The following AVEN variants were observed in gnomAD, a reference collection of about 807,000 sequenced individuals.
AVEN encodes apoptosis and caspase activation inhibitor.
AVEN carries 41 observed loss-of-function variants against 38.1 expected under a neutral mutation model. The ratio of observed to expected loss-of-function variants is 1.08; its 90% CI spans 0.84 to 1.40. The LOEUF is 1.40. AVEN is among the 40% of genes most tolerant of loss of function. AVEN has a pLI of 0.00. For missense variants in AVEN, 605 were observed against 438.8 expected (o/e 1.38, Z -3.38); for synonymous variants, 206 against 171.8 (o/e 1.20, Z -1.56).
chr15:33,864,234 T>G (rs749579733), downstream of AVEN: 1 of 1,486,906 alleles, frequency 6.7e-7, no homozygotes, highest in South Asian at 1.2e-5. Flanking sequence ...CTCCCTTTCC[T>G]AAATCTTGAG....
At chr15:33,957,311 A>G (rs1894993316) in intron 2 of AVEN, among the ~76,000 whole-genome samples, 1 of 152,208 alleles carries the variant, frequency 6.6e-6, no homozygotes, top group Admixed American at 6.5e-5. Context: ...CTTGTCCATT[A>G]GAGACCTTTC....
chr15:34,062,846 C>A (rs1470231970), intron 5 of AVEN: 7 of 1,614,106 alleles, frequency 4.3e-6, no homozygotes, highest in Admixed American at 1.7e-5. Context: ...TAAGCCTGAT[C>A]ACCATTGTGG....
intron 5 of AVEN, 77 bp downstream of exon 5, chr15:33,867,418 C>T (rs975734709): frequency 1.1e-5 from 16 of 1,508,538 alleles, no homozygotes; most frequent in Middle Eastern, 2.2e-4. Context: ...GGGATGTGTG[C>T]GGATGTGATG....
intron 2 of AVEN, among the ~76,000 whole-genome samples, chr15:33,939,968 A>G (rs1894251282): frequency 1.3e-5 from 2 of 152,222 alleles, no homozygotes; most frequent in Non-Finnish European, 2.9e-5. Flanking sequence ...GTATATTTAC[A>G]TTCCTTCTAC....
chr15:33,863,319 G>A (rs576845565), downstream of AVEN, among the ~76,000 whole-genome samples: 11 of 152,280 alleles, frequency 7.2e-5, no homozygotes, highest in South Asian at 6.2e-4. Flanking sequence ...AATGAGAAGC[G>A]GAAAGGCAGT....
intron 5 of AVEN, among the ~76,000 whole-genome samples, chr15:34,057,460 C>T (rs1900199954): frequency 6.6e-6 from 1 of 152,090 alleles, no homozygotes. Context: ...CATTTTGATG[C>T]TCTTGTTGCT....
At chr15:33,873,519 C>T (rs1567388881) in intron 3 of AVEN, among the ~76,000 whole-genome samples, 1 of 147,406 alleles carries the variant, frequency 6.8e-6, no homozygotes, top group Non-Finnish European at 1.5e-5. Context: ...ATACACTCAA[C>T]ATATAATATA....
chr15:33,951,169 T>C (rs1894727201), intron 2 of AVEN, among the ~76,000 whole-genome samples: 1 of 152,152 alleles, frequency 6.6e-6, no homozygotes. Context: ...AAAAAGCCTG[T>C]GTAGCATTCC....
At chr15:33,873,320 G>A (rs1022595384) in intron 3 of AVEN, among the ~76,000 whole-genome samples, 1 of 149,844 alleles carries the variant, frequency 6.7e-6, no homozygotes, top group Non-Finnish European at 1.5e-5. Flanking sequence ...GGCTGGTCTC[G>A]AACTCCTGAC....
In AVEN at chr15:34,062,787, C is replaced by T. The variant is rs571543498; in HGVS notation, n.1637+135G>A. The T allele has an allele frequency of 1.7e-5, 28 of 1,614,162 alleles. No individual in the cohort carries two copies. Among genetic ancestry groups the T allele is most frequent in the Middle Eastern group, 3.3e-4 (2 of 6,062 alleles). On this transcript the variant is annotated intron_variant and non_coding_transcript_variant, in intron 5 of 11. Coordinates refer to the AVEN transcript ENST00000675287. ...CCCAGTAAATCACCAGCCTTTGGAA[C>T]GCCACAGGTTGTGGGAAGTCATCAC... is the stretch of plus-strand genomic sequence containing the variant.
At chr15:34,011,023 C>T (rs1193873587) in intron 1 of AVEN, among the ~76,000 whole-genome samples, 2 of 151,950 alleles carry the variant, frequency 1.3e-5, no homozygotes, top group Admixed American at 6.5e-5. Context: ...TGACAGTTTT[C>T]GATATTTGAA....
intron 2 of AVEN, among the ~76,000 whole-genome samples, chr15:33,898,285 C>T (rs7403622): frequency 0.79 from 120,819 of 152,224 alleles, 52,495 homozygotes; most frequent in East Asian, 0.97. Flanking sequence ...TAATACATTG[C>T]CTGGGGAGGA....
At position 33,930,954 on chromosome 15, in the gene AVEN, CAAAAA is replaced by C. The variant is rs61006422; in HGVS notation, c.446-54964_446-54960del. Among the ~76,000 whole-genome samples, 327 of 111,770 alleles carry C rather than the reference CAAAAA, an allele frequency of 2.9e-3. 1 individual carries two copies. Among genetic ancestry groups the C allele is most frequent in the Admixed American group, 5.1e-3 (55 of 10,786 alleles). The allele number at this position is 111,770 out of a possible 152,430, so 73.3% of individuals were successfully genotyped here. On this transcript the variant is annotated intron_variant, in intron 2 of 5. Coordinates refer to ENST00000306730, the MANE Select transcript of AVEN (RefSeq NM_020371.3). ...TGGGCGACACAGTGAGACTCTGTCT[CAAAAA>C]AAAAAAAAAAAAAAACTTAAGGATT...
chr15:34,034,389 TTTGCTCACACTACTGCACTCCAGCG>T (rs1413949272), intron 1 of AVEN, among the ~76,000 whole-genome samples: 1 of 151,514 alleles, frequency 6.6e-6, no homozygotes, highest in African/African-American at 2.4e-5. Flanking sequence ...AGCAGTGAGC[TTTGCTCACACTACTGCACTCCAGCG>T]TGAGCAACAA....
chr15:34,024,854 CCTT>C, intron 1 of AVEN, among the ~76,000 whole-genome samples: 1 of 111,302 alleles, frequency 9.0e-6, no homozygotes, highest in South Asian at 2.9e-4. Flanking sequence ...AAGCAAGACT[CCTT>C]CTCAAAAAAA....
At chr15:33,857,198 CTT>C (rs1198264086), downstream of AVEN, among the ~76,000 whole-genome samples, 1 of 151,726 alleles carries the variant, frequency 6.6e-6, no homozygotes, top group Non-Finnish European at 1.5e-5. Context: ...ACAGAAATGT[CTT>C]TTCGACAGTT....
Position 34,016,094 on chromosome 15 carries a change from T to C in AVEN, c.268-12885A>G, listed in dbSNP as rs183817929. ...GAGTTCGAGACCAGCCTGACCAACA[T>C]GGAGAAACCCCGTCTCTACTAAAAA... On this transcript the variant is annotated intron_variant, in intron 1 of 5. Transcript: ENST00000306730. Among the ~76,000 whole-genome samples, 128 of 152,244 alleles carry C rather than the reference T, an allele frequency of 8.4e-4. 1 individual carries two copies. Among genetic ancestry groups the C allele is most frequent in the African/African-American group, 3.0e-3 (123 of 41,548 alleles).
chr15:34,013,678 T>C (rs1897736126), intron 1 of AVEN, among the ~76,000 whole-genome samples: 1 of 152,180 alleles, frequency 6.6e-6, no homozygotes, highest in African/African-American at 2.4e-5. Flanking sequence ...TATAGTGTGA[T>C]ATCAGCTACT....
intron 2 of AVEN, among the ~76,000 whole-genome samples, chr15:33,931,906 C>T (rs1893866950): frequency 6.6e-6 from 1 of 152,050 alleles, no homozygotes; most frequent in African/African-American, 2.4e-5. Context: ...GGAAGAGAGA[C>T]AGAGATGAGA....
Sources: allele counts gnomAD v4.1 joint callset (sites outside exome capture counted in the v4.1 genomes callset), GRCh38; gene constraint gnomAD v4.1.1; transcripts MANE v1.5; gene names NCBI Gene and HGNC (gene_info 2026-07-23, HGNC 2026-07-21).